The following FMN1 variants were observed in gnomAD, a reference collection of about 807,000 sequenced individuals.
The protein encoded by FMN1 is formin-1.
FMN1 carries 110 observed loss-of-function variants against 132.4 expected under a neutral mutation model. The ratio of observed to expected loss-of-function variants is 0.83; its 90% confidence interval spans 0.71 to 0.97. The LOEUF (loss-of-function observed/expected upper bound fraction) is 0.97, where lower values mean the gene tolerates loss of function less well. FMN1 is among the 50% of genes least tolerant of loss of function. The probability of loss-of-function intolerance (pLI) is 0.00; values close to 1 mark genes in which losing one functional copy is unlikely to be tolerated. For synonymous variants in FMN1, 722 were observed against 651.7 expected (o/e 1.11, Z -1.64); for missense variants, 1,792 against 1,705.3 (o/e 1.05, Z -0.90).
intron 4 of FMN1, among the ~76,000 whole-genome samples, chr15:33,113,547 C>T (rs78093336): frequency 3.3e-5 from 5 of 152,016 alleles, no homozygotes; most frequent in African/African-American, 1.2e-4. Context: ...CGACCCTGCT[C>T]CCCCATCTTT....
intron 16 of FMN1, among the ~76,000 whole-genome samples, chr15:32,878,336 T>C (rs1312782014): frequency 6.6e-6 from 1 of 152,146 alleles, no homozygotes. Context: ...TTGGATTTGA[T>C]TCCAAGAGGA....
intron 8 of FMN1, among the ~76,000 whole-genome samples, chr15:32,964,856 ACAAAAACCAAC>A (rs1441001827): frequency 6.6e-6 from 1 of 152,198 alleles, no homozygotes; most frequent in Non-Finnish European, 1.5e-5. Flanking sequence ...AATACTAACA[ACAAAAACCAAC>A]CAAAAACCTC....
intron 17 of FMN1, among the ~76,000 whole-genome samples, chr15:32,855,401 C>T (rs16959975): frequency 6.6e-6 from 1 of 151,990 alleles, no homozygotes; most frequent in Non-Finnish European, 1.5e-5. Flanking sequence ...TATAAATTCC[C>T]TTTCTCTGAA....
intron 17 of FMN1, among the ~76,000 whole-genome samples, chr15:32,829,000 C>T (rs1244616545): frequency 1.3e-5 from 2 of 152,140 alleles, no homozygotes; most frequent in Non-Finnish European, 2.9e-5. Flanking sequence ...GTTTTGTCAT[C>T]CCCTAGAGGA....
At chr15:32,875,755 A>G (rs1013148592) in intron 16 of FMN1, among the ~76,000 whole-genome samples, 3 of 152,236 alleles carry the variant, frequency 2.0e-5, no homozygotes, top group African/African-American at 7.2e-5. Flanking sequence ...AATCTTCCAC[A>G]GAGTCAAAGA....
chr15:33,067,103 G>T, intron 5 of FMN1: 5 of 1,613,978 alleles, frequency 3.1e-6, no homozygotes, highest in Non-Finnish European at 4.2e-6. Context: ...TTCTTTTTTA[G>T]AAGAGGCACT....
intron 15 of FMN1, among the ~76,000 whole-genome samples, chr15:32,897,782 T>A (rs569869143): frequency 6.6e-6 from 1 of 150,862 alleles, no homozygotes; most frequent in Admixed American, 6.6e-5. Context: ...CAAGTGAAAT[T>A]CTCCAAGTGA....
intron 5 of FMN1, among the ~76,000 whole-genome samples, chr15:33,082,403 G>A (rs1347344689): frequency 6.6e-6 from 1 of 152,062 alleles, no homozygotes; most frequent in Non-Finnish European, 1.5e-5. Flanking sequence ...TAATCCTAAT[G>A]ACTACTTACC....
intron 6 of FMN1, among the ~76,000 whole-genome samples, chr15:33,020,353 T>C (rs1431644287): frequency 7.2e-6 from 1 of 138,022 alleles, no homozygotes; most frequent in Non-Finnish European, 1.6e-5. Context: ...ATTCGGTCAC[T>C]ATAAGACTAT....
intron 17 of FMN1, among the ~76,000 whole-genome samples, chr15:32,818,469 A>G (rs935483658): frequency 6.6e-6 from 1 of 152,196 alleles, no homozygotes; most frequent in Non-Finnish European, 1.5e-5. Flanking sequence ...ATATTACCAA[A>G]TAGAATTAAG....
intron 19 of FMN1, among the ~76,000 whole-genome samples, chr15:32,782,185 G>A (rs57462153): frequency 0.012 from 1,815 of 152,288 alleles, 34 homozygotes; most frequent in African/African-American, 0.041. Context: ...CCATTGGAAT[G>A]ACTTAGGGAC....
chr15:33,084,694 T>C (rs144050288), intron 5 of FMN1, among the ~76,000 whole-genome samples: 2,387 of 152,268 alleles, frequency 0.016, 32 homozygotes, highest in Non-Finnish European at 0.025. Context: ...TCCTAGTGCT[T>C]GTCCTACACC....
intron 5 of FMN1, among the ~76,000 whole-genome samples, chr15:33,086,033 T>C (rs577757744): frequency 3.7e-4 from 57 of 152,104 alleles, no homozygotes; most frequent in Non-Finnish European, 6.9e-4. Flanking sequence ...AGGCGGATCA[T>C]GAGGCCAGGA....
At chr15:33,035,286 G>A (rs545794491) in intron 6 of FMN1, among the ~76,000 whole-genome samples, 31 of 152,226 alleles carry the variant, frequency 2.0e-4, no homozygotes, top group South Asian at 4.2e-4. Flanking sequence ...TGCTGACAAA[G>A]TCATAGTCTA....
At chr15:33,188,113 T>G (rs28600311) in intron 2 of FMN1, among the ~76,000 whole-genome samples, 49,385 of 151,710 alleles carry the variant, frequency 0.33, 8,292 homozygotes, top group East Asian at 0.44. Flanking sequence ...GGCGGGCAGA[T>G]CACAAGGTCA....
At chr15:33,190,288 G>T (rs1158144766) in intron 2 of FMN1, among the ~76,000 whole-genome samples, 1 of 152,168 alleles carries the variant, frequency 6.6e-6, no homozygotes, top group Admixed American at 6.5e-5. Context: ...AGATTTTAGA[G>T]AACATGAGAC....
At chr15:33,032,608 T>G (rs1237167933) in intron 6 of FMN1, among the ~76,000 whole-genome samples, 1 of 152,224 alleles carries the variant, frequency 6.6e-6, no homozygotes, top group African/African-American at 2.4e-5. Flanking sequence ...GAGGACCATC[T>G]CTGGTGTTAT....
chr15:32,960,256 C>T lies in FMN1; in HGVS notation c.3138+3851G>A, dbSNP rs538225022. On this transcript the variant is annotated intron_variant, in intron 9 of 20. Transcript: ENST00000616417. ...CAGGAGAGAGAGGGTGGGGTGAGAG[C>T]GGCACCAGAAACTTATGGAACAACC... is the stretch of plus-strand genomic sequence containing the variant. Among the ~76,000 whole-genome samples, 255 of 152,164 alleles carry T rather than the reference C, an allele frequency of 1.7e-3. 1 individual carries two copies. Among genetic ancestry groups the T allele is most frequent in the African/African-American group, 5.8e-3 (240 of 41,484 alleles).
intron 4 of FMN1, among the ~76,000 whole-genome samples, chr15:33,140,377 A>T (rs78557235): frequency 0.052 from 7,911 of 152,250 alleles, 298 homozygotes; most frequent in Non-Finnish European, 0.069. Context: ...ATCAAAAAAG[A>T]AAACAAAGCA....
Sources: allele counts gnomAD v4.1 joint callset (sites outside exome capture counted in the v4.1 genomes callset), GRCh38; gene constraint gnomAD v4.1.1; transcripts MANE v1.5; gene names NCBI Gene and HGNC (gene_info 2026-07-23, HGNC 2026-07-21).